PAK1: variants seen among roughly 807,000 people sequenced by gnomAD.
PAK1 encodes the protein p21 (RAC1) activated kinase 1.
Under a neutral mutation model 67.4 loss-of-function variants are expected in PAK1, and 29 were observed. The ratio of observed to expected loss-of-function variants is 0.43; its 90% CI spans 0.32 to 0.59. The LOEUF (loss-of-function observed/expected upper bound fraction) is 0.59. Among genes scored for constraint, PAK1 ranks in the 20% least tolerant of loss-of-function variants. The pLI, the probability that PAK1 is intolerant of heterozygous loss-of-function variation, is 0.07. For missense variants in PAK1, 337 were observed against 670.7 expected, an observed-to-expected ratio of 0.50 and a Z score of 5.50; for synonymous variants, 223 against 237.4, an observed-to-expected ratio of 0.94 and a Z score of 0.56.
At chr11:77,439,600 A>G (rs1016986356) in intron 1 of PAK1, among the ~76,000 whole-genome samples, 1 of 152,108 alleles carries the variant, frequency 6.6e-6, no homozygotes, top group South Asian at 2.1e-4. Context: ...CCCTTAGCAG[A>G]CTTCTAGAGA....
chr11:77,490,604 G>A, the PAK1 span, among the ~76,000 whole-genome samples: 3 of 152,122 alleles, frequency 2.0e-5, no homozygotes, highest in Non-Finnish European at 1.5e-5. Flanking sequence ...CCCTCTGCCC[G>A]GCCGCCACCC....
intron 10 of PAK1, among the ~76,000 whole-genome samples, chr11:77,341,398 C>T (rs1294963855): frequency 6.6e-6 from 1 of 152,178 alleles, no homozygotes; most frequent in African/African-American, 2.4e-5. Flanking sequence ...TGACAATTGA[C>T]CTCTACTTTG....
In PAK1 at chr11:77,339,826, AT is replaced by A. The variant is rs550020225; in HGVS notation, c.1116+819del. On this transcript the variant is annotated intron_variant, in intron 11 of 14. Coordinates refer to ENST00000356341, the MANE Select transcript of PAK1 (RefSeq NM_002576.5). ...GTGCAAAAGCAATTGTGGTTTTGGT[AT>A]TTTTTTTTTTTTAAGTAATGGCAAA... is the stretch of plus-strand genomic sequence containing the variant. 3.5e-3 allele frequency among the ~76,000 whole-genome samples: 507 copies of A among 143,560 alleles called. 7 individuals carry two copies. The highest frequency in any genetic ancestry group is 0.029 in the South Asian group (132 of 4,496). The allele number at this position is 143,560 out of a possible 152,430, so 94.2% of individuals were successfully genotyped here.
chr11:77,431,018 T>C (rs1955833880), intron 1 of PAK1, among the ~76,000 whole-genome samples: 1 of 152,154 alleles, frequency 6.6e-6, no homozygotes, highest in Admixed American at 6.6e-5. Flanking sequence ...TGTGTGTTCC[T>C]TATGAGAATC....
intron 4 of PAK1, among the ~76,000 whole-genome samples, chr11:77,375,946 C>G (rs999814154): frequency 6.6e-6 from 1 of 152,152 alleles, no homozygotes; most frequent in African/African-American, 2.4e-5. Flanking sequence ...ACCCACAAAG[C>G]AGGAAATAAG....
At chr11:77,430,740 G>C (rs1955821192) in intron 1 of PAK1, among the ~76,000 whole-genome samples, 1 of 152,206 alleles carries the variant, frequency 6.6e-6, no homozygotes, top group Admixed American at 6.5e-5. Context: ...GTTAAATGGG[G>C]ACAAATAATT....
chr11:77,484,712 C>T, the PAK1 span, among the ~76,000 whole-genome samples: 2 of 152,198 alleles, frequency 1.3e-5, no homozygotes, highest in African/African-American at 4.8e-5. Context: ...AGTTGTCTAA[C>T]TTCACATGCT....
chr11:77,383,785 C>T (rs1950136521), intron 2 of PAK1, among the ~76,000 whole-genome samples: 1 of 152,196 alleles, frequency 6.6e-6, no homozygotes, highest in Non-Finnish European at 1.5e-5. Context: ...CAATCATCCC[C>T]TTCACCTGTG....
chr11:77,388,982 A>T (rs1214346145), intron 2 of PAK1, among the ~76,000 whole-genome samples: 2 of 152,224 alleles, frequency 1.3e-5, no homozygotes, highest in African/African-American at 4.8e-5. Context: ...ATGGCTTTTA[A>T]TATATTCAGA....
chr11:77,401,621 C>A (rs549326050), intron 1 of PAK1, among the ~76,000 whole-genome samples: 2 of 152,144 alleles, frequency 1.3e-5, no homozygotes, highest in Non-Finnish European at 2.9e-5. Context: ...GCTCACTATG[C>A]TTTCATGTTC....
chr11:77,392,575 T>C (rs1951274656), intron 1 of PAK1, 34 bp from the exon 2 acceptor site: 10 of 1,479,616 alleles, frequency 6.8e-6, no homozygotes, highest in Middle Eastern at 3.7e-4. Flanking sequence ...ATAACTCTTT[T>C]ATTATTTTTG....
intron 1 of PAK1, among the ~76,000 whole-genome samples, chr11:77,470,674 G>A (rs1957809846): frequency 6.6e-6 from 1 of 152,172 alleles, no homozygotes; most frequent in African/African-American, 2.4e-5. Flanking sequence ...GCCCTATATA[G>A]CTTTAAGTAT....
the PAK1 span, among the ~76,000 whole-genome samples, chr11:77,500,678 CCA>C: frequency 6.6e-6 from 1 of 151,544 alleles, no homozygotes; most frequent in Non-Finnish European, 1.5e-5. Flanking sequence ...AGACTTGTCT[CCA>C]CACACACAAA....
intron 9 of PAK1, among the ~76,000 whole-genome samples, 182 bp downstream of exon 9, chr11:77,349,057 G>A (rs1020646825): frequency 1.3e-5 from 2 of 151,368 alleles, no homozygotes; most frequent in Admixed American, 6.6e-5. Context: ...CCTAGTAGGC[G>A]GAGGCTGCAG....
intron 2 of PAK1, among the ~76,000 whole-genome samples, chr11:77,388,314 C>CT (rs1354714240): frequency 6.6e-6 from 1 of 152,184 alleles, no homozygotes; most frequent in Non-Finnish European, 1.5e-5. Flanking sequence ...CTAACCACGC[C>CT]TTTGCAACAT....
the PAK1 span, among the ~76,000 whole-genome samples, chr11:77,526,743 C>T: frequency 4.6e-5 from 7 of 152,170 alleles, no homozygotes; most frequent in East Asian, 1.9e-4. Context: ...TGGTGAAACC[C>T]GGTCTCTACT....
chr11:77,490,697 G>A, the PAK1 span, among the ~76,000 whole-genome samples: 3 of 152,266 alleles, frequency 2.0e-5, no homozygotes, highest in Non-Finnish European at 4.4e-5. Flanking sequence ...GTGGGGAAAG[G>A]TGGGGAAAAG....
Position 77,395,319 on chromosome 11 carries a change from T to C in PAK1, c.-21-2778A>G, listed in dbSNP as rs551722642. Among the ~76,000 whole-genome samples the C allele has an allele frequency of 1.1e-4, 17 of 152,330 alleles. No homozygotes were observed. The East Asian group carries it at 3.3e-3, about 29-fold the overall frequency. On this transcript the variant is annotated intron_variant, in intron 1 of 14. Transcript: ENST00000356341. ...CCTGGGAGCCAGAATGTTCCTCAAA[T>C]GTTGGGCCCAATTTTGTCATCTTTG...
intron 1 of PAK1, among the ~76,000 whole-genome samples, chr11:77,470,954 G>C (rs1224792945): frequency 6.6e-6 from 1 of 152,184 alleles, no homozygotes; most frequent in Non-Finnish European, 1.5e-5. Flanking sequence ...AAAAATGTTA[G>C]GATCCCCTTG....
Sources: gnomAD v4.1 joint callset for allele counts (sites outside exome capture counted in the v4.1 genomes callset) on GRCh38, gnomAD v4.1.1 for gene constraint, MANE v1.5 for transcripts, NCBI Gene and HGNC (gene_info 2026-07-23, HGNC 2026-07-21) for gene names.